The following VNN1 variants were observed in gnomAD, a reference collection of about 807,000 sequenced individuals.
VNN1 encodes pantetheinase.
Under a neutral mutation model 41.9 loss-of-function variants are expected in VNN1, and 29 were observed. The observed-to-expected ratio is 0.69, with a 90% confidence interval of 0.52 to 0.94. The LOEUF (loss-of-function observed/expected upper bound fraction) is 0.94, where lower values mean the gene tolerates loss of function less well. Among genes scored for constraint, VNN1 ranks in the 40% least tolerant of loss-of-function variants. VNN1 has a pLI of 0.00. For synonymous variants in VNN1, 233 were observed against 224.4 expected, an observed-to-expected ratio of 1.04 and a Z score of -0.34; for missense variants, 637 against 621.1, an observed-to-expected ratio of 1.03 and a Z score of -0.27.
intron 5 of VNN1, among the ~76,000 whole-genome samples, chr6:132,685,410 T>C (rs140111258): frequency 1.7e-4 from 26 of 152,310 alleles, no homozygotes; most frequent in African/African-American, 5.5e-4. Context: ...ATCACTTCAG[T>C]GCAAGTGTAT....
rs368540037 is a variant in VNN1 at position 132,690,294 on chromosome 6, G to T, written c.1188+1929C>A. On this transcript the variant is annotated intron_variant, in intron 5 of 6. Transcript: ENST00000367928. ...GTGCTAGGTAAGATCCTGCAGGACAGGATGTTGCTTCCAGGCTTATTTCCC... is the reference window on the plus strand; with the variant it reads ...GTGCTAGGTAAGATCCTGCAGGACATGATGTTGCTTCCAGGCTTATTTCCC... 5.3e-5 allele frequency among the ~76,000 whole-genome samples: 8 copies of T among 152,282 alleles called. No homozygotes were observed. In the East Asian group the frequency reaches 1.2e-3, roughly 22 times the overall value.
intron 3 of VNN1, among the ~76,000 whole-genome samples, 174 bp downstream of exon 3, chr6:132,693,816 C>T (rs181855189): frequency 2.0e-5 from 3 of 152,302 alleles, no homozygotes; most frequent in Non-Finnish European, 4.4e-5. Flanking sequence ...TATATGTACA[C>T]GGAACCCCTT....
At chr6:132,692,688 A>C in intron 4 of VNN1, 104 bp from the exon 5 acceptor site, 1 of 1,374,382 alleles carries the variant, frequency 7.3e-7, no homozygotes, top group Non-Finnish European at 9.6e-7. Flanking sequence ...TACTCTCTCT[A>C]AGTTATATGT....
rs900111772 is a variant in VNN1 at position 132,698,386 on chromosome 6, A to G, written c.342-4204T>C. ...AGGTTTTGACACAACACAAAGCACT[A>G]TATTGGACATGTGGGCAACTGGGGG... On this transcript the variant is annotated intron_variant, in intron 2 of 6. Coordinates refer to ENST00000367928, the MANE Select transcript of VNN1 (RefSeq NM_004666.3). Among the ~76,000 whole-genome samples, 20 of 152,238 alleles carry G rather than the reference A, an allele frequency of 1.3e-4. 1 individual carries two copies. The highest frequency in any genetic ancestry group is 4.1e-4 in the African/African-American group (17 of 41,466).
At chr6:132,709,209 A>G (rs1582779159) in intron 2 of VNN1, among the ~76,000 whole-genome samples, 1 of 107,112 alleles carries the variant, frequency 9.3e-6, no homozygotes, top group South Asian at 2.9e-4. Flanking sequence ...TAGATAGATG[A>G]TAGATAGATG....
chr6:132,686,576 A>G (rs1778212319), intron 5 of VNN1, among the ~76,000 whole-genome samples: 1 of 152,250 alleles, frequency 6.6e-6, no homozygotes, highest in African/African-American at 2.4e-5. Flanking sequence ...CCATCCCAAG[A>G]GGAAGTCTCC....
intron 5 of VNN1, 47 bp downstream of exon 5, chr6:132,692,176 G>A: frequency 6.7e-7 from 1 of 1,499,732 alleles, no homozygotes; most frequent in Non-Finnish European, 8.9e-7. Context: ...ATATTTAACT[G>A]AGTGTCTTTA....
chr6:132,692,944 C>T lies in VNN1; in HGVS notation c.826+80G>A, dbSNP rs146629425. 1,129 of 1,425,114 alleles carry T rather than the reference C, an allele frequency of 7.9e-4. 6 individuals are homozygous for T. The Middle Eastern group carries it at 9.2e-3, about 12-fold the overall frequency. The allele number at this position is 1,425,114 out of a possible 1,614,324, so 88.3% of individuals were successfully genotyped here. Reference sequence around the variant, plus strand: ...GGAAAACATTGTATTAAGGAGTATGCGTTAGCTAGAAAAACATGTTTTTTT... The same window carrying T: ...GGAAAACATTGTATTAAGGAGTATGTGTTAGCTAGAAAAACATGTTTTTTT... On this transcript the variant is annotated intron_variant, in intron 4 of 6. Transcript: ENST00000367928.
chr6:132,687,763 T>C (rs1222799914), intron 5 of VNN1, among the ~76,000 whole-genome samples: 1 of 152,098 alleles, frequency 6.6e-6, no homozygotes, highest in Non-Finnish European at 1.5e-5. Context: ...GAAAATGATA[T>C]TGTGGAAAAA....
chr6:132,683,007 G>C lies in VNN1; in HGVS notation c.*133C>G. ...ATTAAGTTTATATTATCTGGTGTGT[G>C]TGTGTTTGTCTAAATAAAGAGAAAC... On this transcript the variant is annotated 3_prime_UTR_variant, in exon 7 of 7. Coordinates refer to ENST00000367928, the MANE Select transcript of VNN1 (RefSeq NM_004666.3). 1 of 655,770 alleles carries C rather than the reference G, an allele frequency of 1.5e-6. No individual in the cohort carries two copies. The highest frequency in any genetic ancestry group is 2.4e-6 in the Non-Finnish European group (1 of 414,014). 40.6% of individuals were successfully genotyped at this position (655,770 alleles called of 1,614,324 possible).
chr6:132,710,472 A>G (rs1330666764), intron 2 of VNN1, among the ~76,000 whole-genome samples: 2 of 152,052 alleles, frequency 1.3e-5, no homozygotes, highest in Non-Finnish European at 2.9e-5. Context: ...TGCTGCACCC[A>G]CCAACCCATC....
intron 2 of VNN1, chr6:132,699,117 A>G: frequency 9.5e-6 from 3 of 314,318 alleles, no homozygotes; most frequent in East Asian, 9.6e-5. Flanking sequence ...GAGGAAAGGG[A>G]TGTCCCATTG....
intron 5 of VNN1, 82 bp from the exon 6 acceptor site, chr6:132,684,587 G>T: frequency 7.0e-7 from 1 of 1,422,890 alleles, no homozygotes; most frequent in Non-Finnish European, 9.7e-7. Flanking sequence ...ATTTCACGGT[G>T]TGTACACATA....
In VNN1 at chr6:132,682,109, A is replaced by T. The variant is rs549012726; in HGVS notation, c.*1031T>A. ...AATAGAACACACAATGCTATATTAA[A>T]TATCTAATTTCTTAAAATGGGACTC... On this transcript the variant is annotated 3_prime_UTR_variant, in exon 7 of 7. Transcript: ENST00000367928. The T allele has an allele frequency of 1.3e-5, 2 of 152,340 alleles. No homozygotes were observed. The highest frequency in any genetic ancestry group is 1.3e-4 in the Admixed American group (2 of 15,300). The allele number at this position is 152,340 out of a possible 1,614,324, so 9.4% of individuals were successfully genotyped here.
At chr6:132,695,199 G>A (rs1258989107) in intron 2 of VNN1, among the ~76,000 whole-genome samples, 1 of 152,026 alleles carries the variant, frequency 6.6e-6, no homozygotes, top group Non-Finnish European at 1.5e-5. Context: ...AGAGGTAGAG[G>A]GATGCTGGGA....
At chr6:132,684,619 T>C in intron 5 of VNN1, 114 bp from the exon 6 acceptor site, 2 of 819,520 alleles carry the variant, frequency 2.4e-6, no homozygotes, top group Non-Finnish European at 3.5e-6. Context: ...CATCATACAC[T>C]GTAAAGATAT....
At chr6:132,697,409 C>T (rs1778389989) in intron 2 of VNN1, among the ~76,000 whole-genome samples, 2 of 152,066 alleles carry the variant, frequency 1.3e-5, no homozygotes, top group African/African-American at 4.8e-5. Context: ...TTGGCTAGGG[C>T]AGTACCAGCT....
chr6:132,686,660 C>A (rs1254716111), intron 5 of VNN1, among the ~76,000 whole-genome samples: 1 of 152,130 alleles, frequency 6.6e-6, no homozygotes, highest in East Asian at 1.9e-4. Flanking sequence ...TCAAAATTGG[C>A]AAGTGTTACT....
chr6:132,693,558 T>C lies in VNN1; in HGVS notation c.535-243A>G, dbSNP rs568876353. 5.9e-5 allele frequency among the ~76,000 whole-genome samples: 9 copies of C among 152,318 alleles called. 1 individual carries two copies. Among genetic ancestry groups the C allele is most frequent in the African/African-American group, 2.2e-4 (9 of 41,582 alleles). ...TTATCTATAAAGACCCACTGGAATC[T>C]TATAAGACATAAAATAGATTACTTC... On this transcript the variant is annotated intron_variant, in intron 3 of 6. Transcript: ENST00000367928.
Sources: allele counts gnomAD v4.1 joint callset (sites outside exome capture counted in the v4.1 genomes callset), GRCh38; gene constraint gnomAD v4.1.1; transcripts MANE v1.5; gene names NCBI Gene and HGNC (gene_info 2026-07-23, HGNC 2026-07-21).